Variants in POSTN observed in about 807,000 individuals in gnomAD.
POSTN encodes periostin.
Under a neutral mutation model 104.5 loss-of-function variants are expected in POSTN, and 71 were observed. That is an observed-to-expected ratio of 0.68 (90% CI 0.56 to 0.83). The LOEUF (loss-of-function observed/expected upper bound fraction) is 0.83. Ranked by LOEUF, POSTN falls within the 40% of genes least tolerant of loss-of-function variation. The pLI is 0.00. For synonymous variants in POSTN, 355 were observed against 340.7 expected, an observed-to-expected ratio of 1.04 and a Z score of -0.46; for missense variants, 949 against 1,006.8, an observed-to-expected ratio of 0.94 and a Z score of 0.78.
Position 37,584,026 on chromosome 13 carries a change from C to T in POSTN, c.1186G>A (p.Ala396Thr). 6.2e-7 allele frequency: 1 copy of T among 1,613,942 alleles called. No individual in the cohort carries two copies. The highest frequency in any genetic ancestry group is 8.5e-7 in the Non-Finnish European group (1 of 1,179,930). ...GTGTATTCTCCATCTGGCCTCAGAG[C>T]AGATGCCAAGCCTAATTGGGCCACA... Reference protein sequence around the residue: ...DLVAQLGLASALRPDGEYTLL... With the variant: ...DLVAQLGLASTLRPDGEYTLL... The change falls in exon 9 of 23, where the codon GCT becomes ACT. Residue 396 changes from alanine to threonine, a missense_variant. Transcript: ENST00000379747.
intron 16 of POSTN, among the ~76,000 whole-genome samples, chr13:37,575,447 C>G (rs924627672): frequency 2.0e-5 from 3 of 151,646 alleles, no homozygotes; most frequent in African/African-American, 4.9e-5. Flanking sequence ...ACGTGTGTAC[C>G]CCCCTAGATC....
intron 21 of POSTN, chr13:37,568,542 A>C (rs1247541107): frequency 6.6e-6 from 1 of 152,012 alleles, no homozygotes; most frequent in African/African-American, 2.4e-5. Flanking sequence ...TTTCACAAAA[A>C]ATAATTTTTC....
intron 10 of POSTN, among the ~76,000 whole-genome samples, chr13:37,582,022 T>A (rs1413698842): frequency 1.3e-5 from 2 of 152,202 alleles, no homozygotes; most frequent in African/African-American, 2.4e-5. Flanking sequence ...AAAAATGGTG[T>A]GTAGGCAGAG....
At position 37,579,103 on chromosome 13, in the gene POSTN, C is replaced by T; in HGVS notation, c.1810G>A (p.Val604Met). 1.9e-6 allele frequency: 3 copies of T among 1,612,744 alleles called. No individual in the cohort carries two copies. Among genetic ancestry groups the T allele is most frequent in the Non-Finnish European group, 2.5e-6 (3 of 1,179,356 alleles). The change falls in exon 14 of 23, where the codon GTG (valine) becomes ATG (methionine). Residue 604 changes from valine (V) to methionine (M), a missense_variant. Coordinates refer to ENST00000379747, the MANE Select transcript of POSTN (RefSeq NM_006475.3). The stretch of plus-strand genomic sequence containing the variant: ...GATTCTTTTGATTTCAATTCATTCA[C>T]CAGAAGTGTATCATTTACCTATCAA... ...FLKEVNDTLLVNELKSKESDI... is the reference protein window; with the variant it reads ...FLKEVNDTLLMNELKSKESDI...
chr13:37,579,039 TC>T lies in POSTN; in HGVS notation c.1873del (p.Asp625IlefsTer23). 9 of 1,613,406 alleles carry T rather than the reference TC, an allele frequency of 5.6e-6. No homozygotes were observed. The highest frequency in any genetic ancestry group is 1.7e-6 in the Non-Finnish European group (2 of 1,179,652). ...MTTNGVIHVV[D>X]KLLYPADTPV... Reference sequence around the variant, plus strand: ...CAAACCTGCTGGATAGAGGAGTTTATCTACAACATGAATTACACCATTTGTT... The same window carrying T: ...CAAACCTGCTGGATAGAGGAGTTTATTACAACATGAATTACACCATTTGTT... On this transcript the variant is annotated frameshift_variant, in exon 14 of 23. Coordinates refer to ENST00000379747, the MANE Select transcript of POSTN (RefSeq NM_006475.3). LOFTEE classifies it high-confidence loss of function.
At chr13:37,578,672 G>C (rs566985264) in intron 15 of POSTN, among the ~76,000 whole-genome samples, 172 bp downstream of exon 15, 29 of 151,578 alleles carry the variant, frequency 1.9e-4, no homozygotes, top group Non-Finnish European at 2.9e-4. Context: ...GGTGGTGGGC[G>C]CCTGTAGTCC....
chr13:37,564,209 T>C lies in POSTN; in HGVS notation c.2473+310A>G, dbSNP rs867407525. On this transcript the variant is annotated intron_variant, in intron 22 of 22. Transcript: ENST00000379747. ...ATATATATATATATATATATATATA[T>C]ATATATATATATATATATATGTATG... Among the ~76,000 whole-genome samples, 628 of 128,328 alleles carry C rather than the reference T, an allele frequency of 4.9e-3. 18 individuals carry two copies. Among genetic ancestry groups the C allele is most frequent in the African/African-American group, 0.019 (596 of 30,928 alleles). The allele number at this position is 128,328 out of a possible 152,430, so 84.2% of individuals were successfully genotyped here.
Position 37,583,994 on chromosome 13 carries a change from C to A in POSTN, c.1218G>T (p.Leu406=), listed in dbSNP as rs1428685874. Residue 406 remains leucine, a synonymous_variant, in exon 9 of 23, where the codon CTG becomes CTT. Coordinates refer to ENST00000379747, the MANE Select transcript of POSTN (RefSeq NM_006475.3). ...ALRPDGEYTL[L]APVNNAFSDD... ...CAGAAAATGCATTATTCACAGGTGC[C>A]AGCAAAGTGTATTCTCCATCTGGCC... is the stretch of plus-strand genomic sequence containing the variant. 6.2e-7 allele frequency: 1 copy of A among 1,613,680 alleles called. No individual in the cohort carries two copies. Among genetic ancestry groups the A allele is most frequent in the East Asian group, 2.2e-5 (1 of 44,864 alleles).
chr13:37,597,256 A>G lies in POSTN; in HGVS notation c.146T>C (p.Ile49Thr), dbSNP rs532790652. Residue 49 changes from isoleucine to threonine, a missense_variant, in exon 2 of 23, where the codon ATT becomes ACT. Ile to Thr is a moderately conservative substitution (Grantham distance 89). Coordinates refer to ENST00000379747, the MANE Select transcript of POSTN (RefSeq NM_006475.3). ...GAAGTATTTCTTTTTGGTGCCCAAA[A>G]TCTGTTGAAGGGCACAGACATTTGG... ...QGPNVCALQQ[I>T]LGTKKKYFST... 6.3e-6 allele frequency: 10 copies of G among 1,587,484 alleles called. No homozygotes were observed. The highest frequency in any genetic ancestry group is 8.5e-6 in the Non-Finnish European group (10 of 1,169,734).
At position 37,579,916 on chromosome 13, in the gene POSTN, C is replaced by A; in HGVS notation, c.1605G>T (p.Val535=). 6.2e-7 allele frequency: 1 copy of A among 1,613,560 alleles called. No homozygotes were observed. The highest frequency in any genetic ancestry group is 1.1e-5 in the South Asian group (1 of 91,068). The change falls in exon 12 of 23, where the codon GTG becomes GTT. Residue 535 remains valine, a synonymous_variant. Coordinates refer to ENST00000379747, the MANE Select transcript of POSTN (RefSeq NM_006475.3). ...LTQPGDWTLF[V]PTNDAFKGMT... ...TTCCCTTAAAAGCATCATTGGTTGGCACAAATAATGTCCAGTCTCCAGGTT... is the reference window on the plus strand; with the variant it reads ...TTCCCTTAAAAGCATCATTGGTTGGAACAAATAATGTCCAGTCTCCAGGTT...
intron 1 of POSTN, 148 bp from the exon 2 acceptor site, chr13:37,597,430 C>T: frequency 3.3e-6 from 2 of 605,342 alleles, no homozygotes; most frequent in Non-Finnish European, 5.6e-6. Flanking sequence ...TAATTATTGA[C>T]ACAATCCTAC....
In POSTN at chr13:37,584,713, T is replaced by C. The variant is rs776134381; in HGVS notation, c.1108+3A>G. ...AAAAACAAAAACAAAAAAAGTTGCT[T>C]ACCAGAATCAGGAATTAGGACCTGA... On this transcript the variant is annotated splice_donor_region_variant and intron_variant, in intron 8 of 22. Coordinates refer to ENST00000379747, the MANE Select transcript of POSTN (RefSeq NM_006475.3). 1 of 1,610,258 alleles carries C rather than the reference T, an allele frequency of 6.2e-7. No homozygotes were observed. The highest frequency in any genetic ancestry group is 8.5e-7 in the Non-Finnish European group (1 of 1,177,918).
intron 18 of POSTN, 118 bp downstream of exon 18, chr13:37,571,251 C>A (rs1043646552): frequency 2.9e-6 from 2 of 693,974 alleles, no homozygotes; most frequent in Non-Finnish European, 2.3e-6. Context: ...ATAATTCCCA[C>A]AATTTTTATA....
intron 4 of POSTN, among the ~76,000 whole-genome samples, chr13:37,589,402 G>T (rs980376915): frequency 2.0e-5 from 3 of 151,864 alleles, no homozygotes; most frequent in Non-Finnish European, 4.4e-5. Context: ...CAACGTGAAG[G>T]TTTGTTACAT....
At chr13:37,577,531 C>A (rs920641262) in intron 16 of POSTN, among the ~76,000 whole-genome samples, 9 of 152,052 alleles carry the variant, frequency 5.9e-5, no homozygotes, top group African/African-American at 2.2e-4. Flanking sequence ...TGCTGTCTTT[C>A]TCATGTCATA....
At chr13:37,598,310 C>T (rs1181516142) in intron 1 of POSTN, among the ~76,000 whole-genome samples, 1 of 151,766 alleles carries the variant, frequency 6.6e-6, no homozygotes, top group Non-Finnish European at 1.5e-5. Context: ...AAAATAAAAA[C>T]ATAAATAAAT....
intron 10 of POSTN, among the ~76,000 whole-genome samples, 162 bp downstream of exon 10, chr13:37,582,204 A>G (rs1950611335): frequency 6.6e-6 from 1 of 152,186 alleles, no homozygotes; most frequent in Non-Finnish European, 1.5e-5. Context: ...CTTGTTGTGG[A>G]CTTTGCTCAC....
chr13:37,567,141 C>A (rs1950131551), intron 21 of POSTN, among the ~76,000 whole-genome samples: 1 of 137,178 alleles, frequency 7.3e-6, no homozygotes, highest in South Asian at 2.4e-4. Context: ...GAGGCTGAGG[C>A]AGGAGAATGG....
intron 21 of POSTN, chr13:37,568,553 A>G (rs1285322765): frequency 6.6e-6 from 1 of 152,000 alleles, no homozygotes. Flanking sequence ...ATAATTTTTC[A>G]GCTTAATTCT....
Sources: allele counts gnomAD v4.1 joint callset (sites outside exome capture counted in the v4.1 genomes callset), GRCh38; gene constraint gnomAD v4.1.1; transcripts MANE v1.5; gene names NCBI Gene and HGNC (gene_info 2026-07-23, HGNC 2026-07-21).